The following MFSD8 variants were observed in gnomAD, a reference collection of about 807,000 sequenced individuals.
The protein encoded by MFSD8 is major facilitator superfamily domain-containing protein 8.
Under a neutral mutation model 66.4 loss-of-function variants are expected in MFSD8, and 55 were observed. The observed-to-expected ratio is 0.83, with a 90% CI of 0.67 to 1.04. MFSD8 has a LOEUF of 1.04. MFSD8 is among the 50% of genes least tolerant of loss of function. MFSD8 has a pLI of 0.00. For missense variants in MFSD8, 550 were observed against 627.6 expected (o/e 0.88, Z 1.32); for synonymous variants, 202 against 212.8 (o/e 0.95, Z 0.44).
At chr4:127,940,646 T>C (rs990993530) in intron 5 of MFSD8, among the ~76,000 whole-genome samples, 1 of 151,680 alleles carries the variant, frequency 6.6e-6, no homozygotes, top group African/African-American at 2.4e-5. Context: ...CACCTTAGTA[T>C]TTGAAGTTTT....
intron 2 of MFSD8, among the ~76,000 whole-genome samples, chr4:127,950,717 T>C (rs1478645080): frequency 1.3e-5 from 2 of 148,784 alleles, no homozygotes; most frequent in Non-Finnish European, 3.0e-5. Flanking sequence ...AATGAATAAA[T>C]AAATGTTGGG....
chr4:127,946,914 A>G (rs1222911433), intron 3 of MFSD8, among the ~76,000 whole-genome samples: 1 of 151,490 alleles, frequency 6.6e-6, no homozygotes, highest in East Asian at 1.9e-4. Context: ...GACTCCATTT[A>G]CAAAAAAAAC....
chr4:127,923,370 A>G (rs1048928387), intron 9 of MFSD8, among the ~76,000 whole-genome samples: 9 of 152,020 alleles, frequency 5.9e-5, no homozygotes, highest in African/African-American at 2.2e-4. Context: ...CCTTTTCTGC[A>G]TATATTGAGA....
chr4:127,920,852 T>C lies in MFSD8; in HGVS notation c.1351-16A>G. On this transcript the variant is annotated splice_polypyrimidine_tract_variant and intron_variant, in intron 11 of 11. Coordinates refer to ENST00000641686, the MANE Select transcript of MFSD8 (RefSeq NM_001371596.2). ...TGTATACACCCTGTTGGGGGTGAAA[T>C]GGAGGACAAGCAGATTGATATTGGG... 6.2e-7 allele frequency: 1 copy of C among 1,611,482 alleles called. No homozygotes were observed. The highest frequency in any genetic ancestry group is 8.5e-7 in the Non-Finnish European group (1 of 1,178,800).
intron 9 of MFSD8, among the ~76,000 whole-genome samples, chr4:127,926,699 A>G (rs963673074): frequency 2.6e-5 from 4 of 152,184 alleles, no homozygotes; most frequent in African/African-American, 9.6e-5. Flanking sequence ...TAAGGACAAG[A>G]ATTCTCATAG....
At chr4:127,934,333 A>C (rs1738665936) in intron 7 of MFSD8, among the ~76,000 whole-genome samples, 1 of 152,172 alleles carries the variant, frequency 6.6e-6, no homozygotes, top group Non-Finnish European at 1.5e-5. Context: ...ATATTTCTGC[A>C]AAGAAATAAT....
At chr4:127,949,185 T>C (rs1225133655) in intron 3 of MFSD8, among the ~76,000 whole-genome samples, 1 of 152,204 alleles carries the variant, frequency 6.6e-6, no homozygotes, top group African/African-American at 2.4e-5. Context: ...TACTAAAACA[T>C]TGTTATAGAT....
In MFSD8 at chr4:127,920,372, T is replaced by G. The variant is rs151190415; in HGVS notation, c.*258A>C. ...CATTGTCCATTCACTCATTAGTTCA[T>G]GCAACCACAAAAAGGTATTATAAGA... On this transcript the variant is annotated 3_prime_UTR_variant, in exon 12 of 12. Coordinates refer to ENST00000641686, the MANE Select transcript of MFSD8 (RefSeq NM_001371596.2). 2,941 of 476,002 alleles carry G rather than the reference T, an allele frequency of 6.2e-3. 41 individuals carry two copies. The highest frequency in any genetic ancestry group is 0.03 in the Admixed American group (906 of 30,588). 29.5% of individuals were successfully genotyped at this position (476,002 alleles called of 1,614,324 possible). A position where few individuals can be genotyped will look rare whatever the true frequency, so the allele number is the denominator to read the frequency against.
intron 2 of MFSD8, among the ~76,000 whole-genome samples, chr4:127,956,212 T>G (rs144913177): frequency 1.8e-3 from 270 of 151,358 alleles, no homozygotes; most frequent in Non-Finnish European, 3.2e-3. Flanking sequence ...GCTGTAAAGA[T>G]GAAATACTTT....
chr4:127,943,567 T>C (rs1158893356), intron 4 of MFSD8, 185 bp downstream of exon 4: 4 of 634,068 alleles, frequency 6.3e-6, no homozygotes, highest in African/African-American at 5.5e-5. Context: ...GAAGAGAAAC[T>C]ATAGGTAATG....
intron 8 of MFSD8, among the ~76,000 whole-genome samples, chr4:127,931,032 ATGTT>A (rs2148874760): frequency 6.6e-6 from 1 of 152,206 alleles, no homozygotes; most frequent in South Asian, 2.1e-4. Context: ...TTACTTCCTA[ATGTT>A]TATTTTAATT....
intron 9 of MFSD8, among the ~76,000 whole-genome samples, chr4:127,923,860 G>A (rs1019622474): frequency 1.3e-5 from 2 of 152,010 alleles, no homozygotes; most frequent in Non-Finnish European, 2.9e-5. Context: ...GATTACAGGC[G>A]TGAGCCACCG....
intron 2 of MFSD8, among the ~76,000 whole-genome samples, chr4:127,955,522 A>G (rs1742698594): frequency 6.9e-6 from 1 of 144,048 alleles, no homozygotes; most frequent in African/African-American, 2.6e-5. Context: ...CTTGGACGAC[A>G]GAGCGAGACT....
In MFSD8 at chr4:127,965,083, T is replaced by G. The variant is rs767558098; in HGVS notation, c.51A>C (p.Thr17=). The change falls in exon 1 of 12, where the codon ACA becomes ACC. Residue 17 remains threonine, a synonymous_variant. Transcript: ENST00000641686. The part of the protein sequence containing the change: ...ESEQEPLLGD[T]PGSREWDILE... The stretch of plus-strand genomic sequence containing the variant: ...CAGGATCCGCTCACCTGCTTCCAGG[T>G]GTGTCGCCTAAGAGCGGCTCCTGTT... The G allele has an allele frequency of 2.5e-6, 4 of 1,613,730 alleles. No individual in the cohort carries two copies. The highest frequency in any genetic ancestry group is 2.5e-6 in the Non-Finnish European group (3 of 1,179,990).
At chr4:127,964,981 G>T in intron 1 of MFSD8, 91 bp downstream of exon 1, 1 of 1,475,462 alleles carries the variant, frequency 6.8e-7, no homozygotes, top group Non-Finnish European at 9.3e-7. Flanking sequence ...CTCTGGCAGC[G>T]AGGGTTTGTC....
intron 2 of MFSD8, among the ~76,000 whole-genome samples, chr4:127,950,938 G>A (rs1741837426): frequency 6.6e-6 from 1 of 151,334 alleles, no homozygotes; most frequent in Admixed American, 6.6e-5. Context: ...GCGCATGCCT[G>A]TAATCCCAGC....
At chr4:127,962,351 C>G (rs1161359488) in intron 1 of MFSD8, among the ~76,000 whole-genome samples, 1 of 152,040 alleles carries the variant, frequency 6.6e-6, no homozygotes, top group Non-Finnish European at 1.5e-5. Context: ...TCTGTTAATC[C>G]CAGCTACTCC....
intron 3 of MFSD8, among the ~76,000 whole-genome samples, chr4:127,945,101 T>A (rs1740817318): frequency 6.6e-6 from 1 of 152,172 alleles, no homozygotes; most frequent in Non-Finnish European, 1.5e-5. Context: ...GCCCAGGAGT[T>A]GGAGGCTGTA....
chr4:127,921,046 T>C, intron 11 of MFSD8: 1 of 594,250 alleles, frequency 1.7e-6, no homozygotes, highest in Non-Finnish European at 3.0e-6. Context: ...GGGAAAAACT[T>C]ACTGTCTGCT....
Sources: gnomAD v4.1 joint callset for allele counts (sites outside exome capture counted in the v4.1 genomes callset) on GRCh38, gnomAD v4.1.1 for gene constraint, MANE v1.5 for transcripts, NCBI Gene and HGNC (gene_info 2026-07-23, HGNC 2026-07-21) for gene names.